The following ZNF446 variants were observed in gnomAD, a reference collection of about 807,000 sequenced individuals.
ZNF446 encodes the protein zinc finger protein with KRAB and SCAN domains 20.
Under a neutral mutation model 34.0 loss-of-function variants are expected in ZNF446, and 42 were observed. The observed-to-expected ratio is 1.23, with a 90% confidence interval of 0.96 to 1.60. ZNF446 has a LOEUF of 1.60. Among genes scored for constraint, ZNF446 ranks in the 40% most tolerant of loss-of-function variants. The pLI is 0.00. For missense variants in ZNF446, 650 were observed against 600.2 expected, an observed-to-expected ratio of 1.08 and a Z score of -0.87; for synonymous variants, 315 against 251.0, an observed-to-expected ratio of 1.25 and a Z score of -2.41.
Position 58,480,841 on chromosome 19 carries a change from G to A in ZNF446, c.*115G>A. 3.8e-6 allele frequency: 5 copies of A among 1,299,316 alleles called. No individual in the cohort carries two copies. In the South Asian group the frequency reaches 7.1e-5, roughly 18 times the overall value. 80.5% of individuals were successfully genotyped at this position (1,299,316 alleles called of 1,614,324 possible). Reference sequence around the variant, plus strand: ...CAGGGGATGCCAGAGTGAACAAGGGGTCCCAAGCCAGTTCCCTGCCCCTGG... The same window carrying A: ...CAGGGGATGCCAGAGTGAACAAGGGATCCCAAGCCAGTTCCCTGCCCCTGG... On this transcript the variant is annotated 3_prime_UTR_variant, in exon 7 of 7. Transcript: ENST00000594369. This position sits in a 1 kb window ranked among gnomAD's most constrained non-coding sequence, Gnocchi z 7.2.
rs779835478 is a variant in ZNF446, at chr19:58,477,743, G to C, written c.449G>C (p.Gly150Ala). The C allele has an allele frequency of 6.2e-7, 1 of 1,613,154 alleles. No homozygotes were observed. Among genetic ancestry groups the C allele is most frequent in the Non-Finnish European group, 8.5e-7 (1 of 1,179,648 alleles). ...PSGTVESPGE[G>A]PQDTRIEGSV... ...GGGACAGTGGAGTCCCCTGGGGAAG[G>C]TCCCCAGGACACCAGAATAGAGGGG... Residue 150 changes from glycine to alanine, a missense_variant, in exon 3 of 7, where the codon GGT becomes GCT. Physicochemically the swap from Gly to Ala is moderately conservative, Grantham distance 60 (BLOSUM62 0). Transcript: ENST00000594369.
chr19:58,488,782 T>C, the ZNF446 span, among the ~76,000 whole-genome samples: 177 of 136,702 alleles, frequency 1.3e-3, no homozygotes, highest in South Asian at 9.0e-3. Context: ...ACCCAGGAGG[T>C]GGAGCTTGCG....
downstream of ZNF446, among the ~76,000 whole-genome samples, chr19:58,481,628 C>T (rs910337749): frequency 5.9e-5 from 9 of 152,178 alleles, no homozygotes; most frequent in Non-Finnish European, 8.8e-5. Context: ...TGGGAAGCAC[C>T]GGATCTCTGG....
chr19:58,484,395 G>C (rs1199202194), downstream of ZNF446, among the ~76,000 whole-genome samples: 1 of 150,940 alleles, frequency 6.6e-6, no homozygotes, highest in Admixed American at 6.6e-5. Flanking sequence ...GAGTCCAGGA[G>C]GTTGAGGCTA....
At chr19:58,479,131 TC>T (rs1429495814) in intron 4 of ZNF446, among the ~76,000 whole-genome samples, 1 of 152,150 alleles carries the variant, frequency 6.6e-6, no homozygotes, top group African/African-American at 2.4e-5. Context: ...CCAGGCTCCC[TC>T]CACAGCCCCA....
chr19:58,484,282 A>C (rs1471250545), downstream of ZNF446, among the ~76,000 whole-genome samples: 5 of 148,840 alleles, frequency 3.4e-5, no homozygotes, highest in African/African-American at 4.9e-5. Context: ...AAAAAAAAAA[A>C]AAAAAAAAAA....
Position 58,480,333 on chromosome 19 carries a change from G to A in ZNF446, c.960G>A (p.Thr320=), listed in dbSNP as rs775727357. 13 of 1,592,348 alleles carry A rather than the reference G, an allele frequency of 8.2e-6. No homozygotes were observed. Among genetic ancestry groups the A allele is most frequent in the East Asian group, 2.3e-5 (1 of 43,984 alleles). Residue 320 remains threonine (T), a synonymous_variant, in exon 7 of 7, where the codon ACG becomes ACA. Coordinates refer to ENST00000594369, the MANE Select transcript of ZNF446 (RefSeq NM_017908.4). The surrounding 1 kb of genome is among the most constrained non-coding windows in gnomAD (Gnocchi z 7.2). The part of the protein sequence containing the change: ...PVPTQPTPAE[T]RLEPAATPRK... Reference sequence around the variant, plus strand: ...CCACTCAGCCCACACCTGCAGAGACGAGACTGGAGCCGGCTGCCACCCCCA... The same window carrying A: ...CCACTCAGCCCACACCTGCAGAGACAAGACTGGAGCCGGCTGCCACCCCCA...
At chr19:58,484,186 C>T (rs560153967), downstream of ZNF446, among the ~76,000 whole-genome samples, 3 of 150,230 alleles carry the variant, frequency 2.0e-5, no homozygotes, top group Non-Finnish European at 4.4e-5. Flanking sequence ...CCTGTAATCC[C>T]AGCACTTTGA....
At chr19:58,486,864 G>A in the ZNF446 span, among the ~76,000 whole-genome samples, 1 of 151,628 alleles carries the variant, frequency 6.6e-6, no homozygotes, top group African/African-American at 2.4e-5. Context: ...GTGCAGTGGT[G>A]CGATCTTGGC....
downstream of ZNF446, among the ~76,000 whole-genome samples, chr19:58,484,403 C>T (rs1266362464): frequency 1.4e-4 from 21 of 148,758 alleles, no homozygotes; most frequent in Admixed American, 1.4e-3. Context: ...GAGGTTGAGG[C>T]TACAGTGAGC....
downstream of ZNF446, among the ~76,000 whole-genome samples, chr19:58,482,089 C>T (rs111511914): frequency 6.9e-4 from 105 of 152,296 alleles, no homozygotes; most frequent in African/African-American, 2.1e-3. Flanking sequence ...CCACCGCGCC[C>T]GGCCAAAATC....
At position 58,477,421 on chromosome 19, in the gene ZNF446, T is replaced by TA. The variant is rs778783586; in HGVS notation, c.203_204insA (p.Met68IlefsTer28). The TA allele has an allele frequency of 6.2e-7, 1 of 1,613,486 alleles. No homozygotes were observed. The highest frequency in any genetic ancestry group is 2.2e-5 in the East Asian group (1 of 44,856). ...CACTCCAAGGAGCAGATGCTGGAGA[T>TA]GCTGGTGCTGGAGCAGTTCCTGGGC... On this transcript the variant is annotated frameshift_variant, in exon 2 of 7. Coordinates refer to ENST00000594369, the MANE Select transcript of ZNF446 (RefSeq NM_017908.4). LOFTEE classifies it high-confidence loss of function.
At chr19:58,484,291 A>C (rs1392627528), downstream of ZNF446, among the ~76,000 whole-genome samples, 1 of 147,548 alleles carries the variant, frequency 6.8e-6, no homozygotes, top group Non-Finnish European at 1.5e-5. Context: ...AAAAAAAAAA[A>C]AAACACACAA....
the ZNF446 span, among the ~76,000 whole-genome samples, chr19:58,489,520 C>G: frequency 6.6e-6 from 1 of 152,152 alleles, no homozygotes; most frequent in Non-Finnish European, 1.5e-5. Flanking sequence ...ATAACAAAAC[C>G]CTTGTCTCCC....
intron 4 of ZNF446, 99 bp downstream of exon 4, chr19:58,478,280 T>C (rs1205704228): frequency 2.7e-6 from 3 of 1,115,238 alleles, no homozygotes; most frequent in Non-Finnish European, 3.8e-6. Context: ...CCTTGACTAG[T>C]GGCTCTTTGC....
In ZNF446 at chr19:58,478,318, G is replaced by C. The variant is rs1271474456; in HGVS notation, c.627+137G>C. The C allele has an allele frequency of 4.1e-6, 3 of 740,360 alleles. No homozygotes were observed. The African/African-American group carries it at 5.4e-5, about 13-fold the overall frequency. The allele number at this position is 740,360 out of a possible 1,614,324, so 45.9% of individuals were successfully genotyped here. A position where few individuals can be genotyped will look rare whatever the true frequency, so the allele number is the denominator to read the frequency against. ...CCCAGAAGTGGAGTCTGTAAAAGCTGTACCCCTCCACAGGACCTGGGGCAG... is the reference window on the plus strand; with the variant it reads ...CCCAGAAGTGGAGTCTGTAAAAGCTCTACCCCTCCACAGGACCTGGGGCAG... On this transcript the variant is annotated intron_variant, in intron 4 of 6. Transcript: ENST00000594369.
intron 4 of ZNF446, among the ~76,000 whole-genome samples, chr19:58,478,711 C>T (rs2053111374): frequency 6.6e-6 from 1 of 152,094 alleles, no homozygotes; most frequent in South Asian, 2.1e-4. Flanking sequence ...CCATGGAAAC[C>T]CAGTTTAGAG....
chr19:58,478,000 C>T (rs924549196), intron 3 of ZNF446, 87 bp from the exon 4 acceptor site: 2 of 1,394,714 alleles, frequency 1.4e-6, no homozygotes, highest in South Asian at 1.3e-5. Flanking sequence ...GGCTACGTGC[C>T]ATGTCACACA....
the ZNF446 span, among the ~76,000 whole-genome samples, chr19:58,487,332 C>T: frequency 1.3e-5 from 2 of 152,090 alleles, no homozygotes; most frequent in Admixed American, 6.6e-5. Context: ...CACTGCAACC[C>T]GGAACTCCTA....
Sources: allele counts gnomAD v4.1 joint callset (sites outside exome capture counted in the v4.1 genomes callset), GRCh38; gene constraint gnomAD v4.1.1; non-coding constraint Gnocchi (gnomAD v3.1); transcripts MANE v1.5; gene names NCBI Gene and HGNC (gene_info 2026-07-23, HGNC 2026-07-21).